The following CCDC146 variants were observed in gnomAD, a reference collection of about 807,000 sequenced individuals.
The protein encoded by CCDC146 is coiled-coil domain containing 146.
Under a neutral mutation model 119.3 loss-of-function variants are expected in CCDC146, and 92 were observed. That is an observed-to-expected ratio of 0.77 (90% CI 0.65 to 0.92). The LOEUF is 0.92. Among genes scored for constraint, CCDC146 ranks in the 40% least tolerant of loss-of-function variants. CCDC146 has a pLI of 0.00. For synonymous variants in CCDC146, 372 were observed against 371.8 expected (o/e 1.00, Z -0.01); for missense variants, 1,000 against 1,103.0 (o/e 0.91, Z 1.32).
chr7:77,250,441 A>G (rs1793035358), intron 4 of CCDC146, among the ~76,000 whole-genome samples: 1 of 152,218 alleles, frequency 6.6e-6, no homozygotes, highest in Non-Finnish European at 1.5e-5. Flanking sequence ...GAATAATTTC[A>G]CAAGGTACAG....
chr7:77,240,215 A>G (rs1002529320), intron 3 of CCDC146, among the ~76,000 whole-genome samples: 1 of 152,210 alleles, frequency 6.6e-6, no homozygotes, highest in Non-Finnish European at 1.5e-5. Flanking sequence ...CTTCAAAGTC[A>G]AGTTCAAATG....
chr7:77,168,102 T>G (rs1006766593), intron 2 of CCDC146, among the ~76,000 whole-genome samples: 1 of 152,202 alleles, frequency 6.6e-6, no homozygotes, highest in Admixed American at 6.5e-5. Flanking sequence ...GGTTGGTACA[T>G]GAAATAAAGA....
At chr7:77,206,703 A>G (rs972528033) in intron 2 of CCDC146, among the ~76,000 whole-genome samples, 1 of 150,820 alleles carries the variant, frequency 6.6e-6, no homozygotes, top group African/African-American at 2.4e-5. Context: ...ACATATACAC[A>G]CATGAATTTA....
At chr7:77,271,513 GAT>G (rs56661430) in intron 9 of CCDC146, among the ~76,000 whole-genome samples, 107 of 71,228 alleles carry the variant, frequency 1.5e-3, no homozygotes, top group African/African-American at 3.1e-3. Context: ...ACTAATAGGA[GAT>G]ATATATATAT....
chr7:77,144,030 A>G (rs1369538968), intron 1 of CCDC146, among the ~76,000 whole-genome samples: 1 of 151,572 alleles, frequency 6.6e-6, no homozygotes, highest in Non-Finnish European at 1.5e-5. Context: ...TCACGATATT[A>G]ATTCTTCCTA....
At chr7:77,191,249 A>G (rs1791757407) in intron 2 of CCDC146, among the ~76,000 whole-genome samples, 1 of 152,214 alleles carries the variant, frequency 6.6e-6, no homozygotes, top group African/African-American at 2.4e-5. Flanking sequence ...GAACCTATCA[A>G]CAGCGTTAAG....
At chr7:77,201,412 G>A (rs1791985566) in intron 2 of CCDC146, among the ~76,000 whole-genome samples, 1 of 151,930 alleles carries the variant, frequency 6.6e-6, no homozygotes. Context: ...AAATTAGCCA[G>A]GTATGGTGGC....
chr7:77,196,838 A>G lies in CCDC146; in HGVS notation c.156+29014A>G, dbSNP rs368142215. 4 of 1,613,472 alleles carry G rather than the reference A, an allele frequency of 2.5e-6. No homozygotes were observed. Among genetic ancestry groups the G allele is most frequent in the East Asian group, 2.2e-5 (1 of 44,842 alleles). On this transcript the variant is annotated intron_variant, in intron 2 of 18. Transcript: ENST00000285871. This position sits in a 1 kb window ranked among gnomAD's most constrained non-coding sequence, Gnocchi z 4.2. ...GGTGCTCCCATCGAGACGTGCCTGC[A>G]GCACTGTCCAGCCTCCCCCCATGGT...
chr7:77,250,906 T>C (rs4729246), intron 4 of CCDC146, among the ~76,000 whole-genome samples: 10,779 of 149,856 alleles, frequency 0.072, 732 homozygotes, highest in East Asian at 0.27. Context: ...TCAGCCAAGT[T>C]CGTTCTGTTA....
intron 4 of CCDC146, 121 bp from the exon 5 acceptor site, chr7:77,254,385 A>G: frequency 1.7e-6 from 1 of 597,570 alleles, no homozygotes. Context: ...AAGAATGGAC[A>G]CCAGGTTGCC....
Position 77,196,856 on chromosome 7 carries a change from C to T in CCDC146, c.156+29032C>T, listed in dbSNP as rs773321059. On this transcript the variant is annotated intron_variant, in intron 2 of 18. Coordinates refer to ENST00000285871, the MANE Select transcript of CCDC146 (RefSeq NM_020879.3). This position sits in a 1 kb window ranked among gnomAD's most constrained non-coding sequence, Gnocchi z 4.2. ...TGCCTGCAGCACTGTCCAGCCTCCC[C>T]CCATGGTCTCCATGTCACAGTAAAC... is the stretch of plus-strand genomic sequence containing the variant. 153 of 1,613,888 alleles carry T rather than the reference C, an allele frequency of 9.5e-5. No individual in the cohort carries two copies. Among genetic ancestry groups the T allele is most frequent in the Non-Finnish European group, 1.2e-4 (141 of 1,179,990 alleles).
Position 77,250,973 on chromosome 7 carries a change from TTGTGTGTGTG to T in CCDC146, c.450-3489_450-3480del, listed in dbSNP as rs58026945. Among the ~76,000 whole-genome samples, 1,036 of 114,708 alleles carry T rather than the reference TTGTGTGTGTG, an allele frequency of 9.0e-3. 4 individuals are homozygous for T. Among genetic ancestry groups the T allele is most frequent in the African/African-American group, 0.011 (345 of 30,598 alleles). The allele number at this position is 114,708 out of a possible 152,430, so 75.3% of individuals were successfully genotyped here. ...ATACAGTGATTTTGATCTCTGGTATTTGTGTGTGTGTGTGTGTGTGTGTGTGTGTGTGTGT... is the reference window on the plus strand; with the variant it reads ...ATACAGTGATTTTGATCTCTGGTATTTGTGTGTGTGTGTGTGTGTGTGTGT... On this transcript the variant is annotated intron_variant, in intron 4 of 18. Coordinates refer to ENST00000285871, the MANE Select transcript of CCDC146 (RefSeq NM_020879.3).
At chr7:77,292,913 C>T (rs749292385) in intron 17 of CCDC146, 39 bp from the exon 18 acceptor site, 2 of 1,591,114 alleles carry the variant, frequency 1.3e-6, no homozygotes, top group South Asian at 2.3e-5. Context: ...TCTTTGTGGA[C>T]TGTATACATA....
At chr7:77,158,554 C>G (rs1293623922) in intron 1 of CCDC146, among the ~76,000 whole-genome samples, 3 of 152,038 alleles carry the variant, frequency 2.0e-5, no homozygotes, top group Non-Finnish European at 2.9e-5. Flanking sequence ...GAGTTTCACT[C>G]TGTTGCCCAG....
At chr7:77,219,626 A>G (rs745625297) in intron 2 of CCDC146, among the ~76,000 whole-genome samples, 1 of 152,246 alleles carries the variant, frequency 6.6e-6, no homozygotes, top group Non-Finnish European at 1.5e-5. Flanking sequence ...TTTAAATGTA[A>G]CACTTTATTA....
chr7:77,142,684 G>GCCT (rs1790954780), intron 1 of CCDC146, among the ~76,000 whole-genome samples: 1 of 149,118 alleles, frequency 6.7e-6, no homozygotes, highest in African/African-American at 2.6e-5. Flanking sequence ...TTGTTCTTGC[G>GCCT]ATAGTTTGCT....
chr7:77,254,763 C>A (rs1420348191), intron 5 of CCDC146, among the ~76,000 whole-genome samples, 200 bp downstream of exon 5: 2 of 152,106 alleles, frequency 1.3e-5, no homozygotes, highest in African/African-American at 4.8e-5. Context: ...ACTTTAGCAA[C>A]TTGGCATCTA....
At chr7:77,141,988 C>G (rs187632296) in intron 1 of CCDC146, among the ~76,000 whole-genome samples, 2 of 152,066 alleles carry the variant, frequency 1.3e-5, no homozygotes, top group Non-Finnish European at 2.9e-5. Context: ...AAGTCTTTGC[C>G]CATGCCTATG....
chr7:77,260,027 A>C lies in CCDC146; in HGVS notation c.777A>C (p.Lys259Asn). The C allele has an allele frequency of 6.2e-7, 1 of 1,610,752 alleles. No individual in the cohort carries two copies. The highest frequency in any genetic ancestry group is 1.1e-5 in the South Asian group (1 of 90,922). ...CCTACAGAGAAATGGAAAAGAAAAA[A>C]ATTGTCTTGGAACAAGAAGTCAAAA... Reference protein sequence around the residue: ...TRKKVEMEKKKIVLEQEVKTL... With the variant: ...TRKKVEMEKKNIVLEQEVKTL... Residue 259 changes from lysine to asparagine, a missense_variant, in exon 8 of 19, where the codon AAA becomes AAC. Lys to Asn is a moderately conservative substitution (Grantham distance 94, BLOSUM62 0). Coordinates refer to ENST00000285871, the MANE Select transcript of CCDC146 (RefSeq NM_020879.3).
Sources: allele counts gnomAD v4.1 joint callset (sites outside exome capture counted in the v4.1 genomes callset), GRCh38; gene constraint gnomAD v4.1.1; non-coding constraint Gnocchi (gnomAD v3.1); transcripts MANE v1.5; gene names NCBI Gene and HGNC (gene_info 2026-07-23, HGNC 2026-07-21).